The following KPNB1 variants were observed in gnomAD, a reference collection of about 807,000 sequenced individuals.
The protein encoded by KPNB1 is karyopherin subunit beta 1, also known as importin subunit beta-1.
A neutral mutation model predicts 113.0 loss-of-function variants in KPNB1; 7 were observed. The observed-to-expected ratio is 0.06, with a 90% CI of 0.04 to 0.12. The LOEUF (loss-of-function observed/expected upper bound fraction) is 0.12, where lower values mean the gene tolerates loss of function less well. Among genes scored for constraint, KPNB1 ranks in the 10% least tolerant of loss-of-function variants. The pLI, the probability that KPNB1 is intolerant of heterozygous loss-of-function variation, is 1.00. For missense variants in KPNB1, 400 were observed against 1,054.8 expected, an observed-to-expected ratio of 0.38 and a Z score of 8.60; for synonymous variants, 363 against 378.6, an observed-to-expected ratio of 0.96 and a Z score of 0.48.
chr17:47,668,190 A>G lies in KPNB1; in HGVS notation c.1004A>G (p.Glu335Gly), dbSNP rs1226340301. ...AGTGCCATATTCTTTCACCAGGACG[A>G]AAATGATGATGACGATGACTGGAAC... is the stretch of plus-strand genomic sequence containing the variant. ...ILTQTLTKQD[E>G]NDDDDDWNPC... Residue 335 changes from glutamate to glycine, a missense_variant, in exon 10 of 22, where the codon GAA (glutamate) becomes GGA (glycine). Transcript: ENST00000290158. 6.2e-7 allele frequency: 1 copy of G among 1,613,344 alleles called. No homozygotes were observed. Among genetic ancestry groups the G allele is most frequent in the South Asian group, 1.1e-5 (1 of 91,072 alleles).
Position 47,650,292 on chromosome 17 carries a change from G to C in KPNB1, c.40+8G>C, listed in dbSNP as rs1488016584. On this transcript the variant is annotated splice_region_variant and intron_variant, in intron 1 of 21. Coordinates refer to ENST00000290158, the MANE Select transcript of KPNB1 (RefSeq NM_002265.6). The stretch of plus-strand genomic sequence containing the variant: ...AGAAGACCGTGTCTCCCGGTAGGAC[G>C]CAGGAGCCGGGGGTAGGGCTGAGGT... The C allele has an allele frequency of 6.2e-7, 1 of 1,604,984 alleles. No homozygotes were observed. The highest frequency in any genetic ancestry group is 1.3e-5 in the African/African-American group (1 of 74,430).
intron 20 of KPNB1, among the ~76,000 whole-genome samples, 169 bp from the exon 21 acceptor site, chr17:47,680,339 A>G (rs1157514341): frequency 6.6e-6 from 1 of 152,178 alleles, no homozygotes; most frequent in Non-Finnish European, 1.5e-5. Context: ...ATTACACCCC[A>G]TTAAACTCTG....
intron 2 of KPNB1, 97 bp downstream of exon 2, chr17:47,650,541 C>T: frequency 1.1e-6 from 1 of 916,964 alleles, no homozygotes; most frequent in Non-Finnish European, 1.7e-6. Context: ...GGGAACCTAC[C>T]CCGCCCCATC....
intron 21 of KPNB1, 83 bp downstream of exon 21, chr17:47,680,752 C>T: frequency 7.3e-7 from 1 of 1,366,026 alleles, no homozygotes; most frequent in Non-Finnish European, 1.0e-6. Context: ...CTGGCAAGCA[C>T]TGCCTTCTGG....
chr17:47,670,359 C>T, intron 11 of KPNB1: 1 of 228,516 alleles, frequency 4.4e-6, no homozygotes, highest in South Asian at 7.3e-5. Context: ...GTTGAAAGTA[C>T]TCTGCTGCTT....
At chr17:47,650,571 C>CG (rs1224143314) in intron 2 of KPNB1, 127 bp downstream of exon 2, 4 of 745,720 alleles carry the variant, frequency 5.4e-6, no homozygotes, top group Non-Finnish European at 8.9e-6. Flanking sequence ...TCCCCCCTCC[C>CG]CCTCCCCCCC....
In KPNB1 at chr17:47,650,146, CTTCCCACCCG is replaced by C; in HGVS notation, c.-98_-89del. ...ACCCCCGCCCCCCACCCCACCCTCC[CTTCCCACCCG>C]ACCCCCAACCCCCATCCCCAGTTCG... On this transcript the variant is annotated 5_prime_UTR_variant, in exon 1 of 22. Transcript: ENST00000290158. The C allele has an allele frequency of 1.0e-6, 1 of 974,244 alleles. No homozygotes were observed. The highest frequency in any genetic ancestry group is 1.3e-6 in the Non-Finnish European group (1 of 773,642). 60.3% of individuals were successfully genotyped at this position (974,244 alleles called of 1,614,324 possible).
At chr17:47,666,665 C>T (rs1005456691) in intron 9 of KPNB1, among the ~76,000 whole-genome samples, 2 of 149,870 alleles carry the variant, frequency 1.3e-5, no homozygotes, top group African/African-American at 2.5e-5. Flanking sequence ...TGTTGCCAGG[C>T]TGGAGTGCAG....
At chr17:47,675,361 G>GTATT (rs2030566872) in intron 15 of KPNB1, among the ~76,000 whole-genome samples, 1 of 88,692 alleles carries the variant, frequency 1.1e-5, no homozygotes, top group African/African-American at 4.6e-5. Context: ...CAGAGGTGTT[G>GTATT]TTTTTTTTTT....
chr17:47,678,144 T>C lies in KPNB1; in HGVS notation c.2202T>C (p.Val734=). 6.2e-7 allele frequency: 1 copy of C among 1,614,196 alleles called. No homozygotes were observed. Among genetic ancestry groups the C allele is most frequent in the Non-Finnish European group, 8.5e-7 (1 of 1,180,006 alleles). Reference sequence around the variant, plus strand: ...GAGAGTTTAAAAAATACTTAGAGGTTGTATTGAATACTCTTCAGCAGGCCT... The same window carrying C: ...GAGAGTTTAAAAAATACTTAGAGGTCGTATTGAATACTCTTCAGCAGGCCT... ...IGGEFKKYLE[V]VLNTLQQASQ... Residue 734 remains valine (V), a synonymous_variant, in exon 18 of 22, where the codon GTT becomes GTC. Coordinates refer to ENST00000290158, the MANE Select transcript of KPNB1 (RefSeq NM_002265.6).
chr17:47,670,426 A>G (rs1416926556), intron 11 of KPNB1: 2 of 287,788 alleles, frequency 6.9e-6, no homozygotes, highest in Non-Finnish European at 1.3e-5. Context: ...ATCAGACAGG[A>G]TTTCTGTGAT....
At chr17:47,673,372 A>G (rs1308158813) in intron 13 of KPNB1, 118 bp from the exon 14 acceptor site, 4 of 954,984 alleles carry the variant, frequency 4.2e-6, no homozygotes, top group Non-Finnish European at 6.6e-6. Context: ...TATATGTATT[A>G]TGGGTTTTTT....
intron 20 of KPNB1, 51 bp from the exon 21 acceptor site, chr17:47,680,457 A>T (rs748442335): frequency 6.3e-7 from 1 of 1,596,408 alleles, no homozygotes; most frequent in South Asian, 1.1e-5. Context: ...TCAAAACATT[A>T]TACTGGTATG....
chr17:47,655,394 A>ACAGTTCTT (rs1392282806), intron 3 of KPNB1, among the ~76,000 whole-genome samples: 1 of 152,218 alleles, frequency 6.6e-6, no homozygotes, highest in African/African-American at 2.4e-5. Flanking sequence ...CAGTGATAGA[A>ACAGTTCTT]CAGTTCTTTG....
At position 47,650,035 on chromosome 17, in the gene KPNB1, C is replaced by T. The variant is rs1378930817; in HGVS notation, c.-210C>T. The T allele has an allele frequency of 3.7e-6, 5 of 1,369,034 alleles. No homozygotes were observed. The highest frequency in any genetic ancestry group is 4.7e-6 in the Non-Finnish European group (5 of 1,067,432). 84.8% of individuals were successfully genotyped at this position (1,369,034 alleles called of 1,614,324 possible). On this transcript the variant is annotated 5_prime_UTR_variant, in exon 1 of 22. Coordinates refer to ENST00000290158, the MANE Select transcript of KPNB1 (RefSeq NM_002265.6). ...GGTCCCTCCCCCGCCGCCAGCAGCC[C>T]ATTTGGAGGGAGGAAGTAAGGGAAG...
At chr17:47,676,169 C>T (rs1395981742) in intron 15 of KPNB1, among the ~76,000 whole-genome samples, 1 of 152,072 alleles carries the variant, frequency 6.6e-6, no homozygotes, top group Non-Finnish European at 1.5e-5. Context: ...GAGTAAAGCC[C>T]TATTCTGTGG....
Position 47,682,545 on chromosome 17 carries a change from C to G in KPNB1, c.*141C>G, listed in dbSNP as rs1041213173. ...GTGAGTGAGGCTTGAAAACACACCA[C>G]ATTGAAAATCCTGCCACAGCAGCAG... On this transcript the variant is annotated 3_prime_UTR_variant, in exon 22 of 22. Coordinates refer to ENST00000290158, the MANE Select transcript of KPNB1 (RefSeq NM_002265.6). The G allele has an allele frequency of 5.8e-6, 4 of 684,326 alleles. No homozygotes were observed. In the African/African-American group the frequency reaches 7.2e-5, roughly 12 times the overall value. 42.4% of individuals were successfully genotyped at this position (684,326 alleles called of 1,614,324 possible).
At chr17:47,674,076 A>T (rs2030527001) in intron 14 of KPNB1, among the ~76,000 whole-genome samples, 1 of 152,162 alleles carries the variant, frequency 6.6e-6, no homozygotes, top group African/African-American at 2.4e-5. Context: ...GCTAAAAATA[A>T]AGCCTTGAAT....
At chr17:47,666,948 A>G (rs2030306308) in intron 9 of KPNB1, among the ~76,000 whole-genome samples, 2 of 151,638 alleles carry the variant, frequency 1.3e-5, no homozygotes, top group Non-Finnish European at 2.9e-5. Flanking sequence ...TGCTTTTCCT[A>G]TTTGAGAACA....
Sources: allele counts gnomAD v4.1 joint callset (sites outside exome capture counted in the v4.1 genomes callset), GRCh38; gene constraint gnomAD v4.1.1; transcripts MANE v1.5; gene names NCBI Gene and HGNC (gene_info 2026-07-23, HGNC 2026-07-21).